The following TRIM2 variants were observed in gnomAD, a reference collection of about 807,000 sequenced individuals.
TRIM2 encodes tripartite motif containing 2, also known as tripartite motif-containing protein 2.
Under a neutral mutation model 75.2 loss-of-function variants are expected in TRIM2, and 20 were observed. The observed-to-expected ratio is 0.27, with a 90% CI of 0.19 to 0.39. The LOEUF (loss-of-function observed/expected upper bound fraction) is 0.39, where lower values mean the gene tolerates loss of function less well. TRIM2 is among the 10% of genes least tolerant of loss of function. The pLI, the probability that TRIM2 is intolerant of heterozygous loss-of-function variation, is 1.00. For synonymous variants in TRIM2, 373 were observed against 388.3 expected, an observed-to-expected ratio of 0.96 and a Z score of 0.46; for missense variants, 660 against 990.8, an observed-to-expected ratio of 0.67 and a Z score of 4.48.
At chr4:153,286,713 T>C (rs977844301) in intron 3 of TRIM2, among the ~76,000 whole-genome samples, 2 of 151,764 alleles carry the variant, frequency 1.3e-5, no homozygotes, top group African/African-American at 4.8e-5. Context: ...TGAGTCTTCT[T>C]TCTCTCTTCT....
In TRIM2 at chr4:153,328,600, C is replaced by T; in HGVS notation, c.2093C>T (p.Ala698Val). The change falls in exon 11 of 12, where the codon GCT (alanine) becomes GTT (valine). Residue 698 changes from alanine (A) to valine (V), a missense_variant. Transcript: ENST00000338700. ...GGAGAAGGAAATGGGCAGTTTAATG[C>T]TCCAACAGGTGTAGCAGTGGATTCA... ...SNGEGNGQFN[A>V]PTGVAVDSNG... 2 of 1,613,000 alleles carry T rather than the reference C, an allele frequency of 1.2e-6. No homozygotes were observed. The highest frequency in any genetic ancestry group is 1.7e-6 in the Non-Finnish European group (2 of 1,179,558).
At chr4:153,323,964 T>C in intron 9 of TRIM2, 114 bp from the exon 10 acceptor site, 1 of 815,940 alleles carries the variant, frequency 1.2e-6, no homozygotes, top group Non-Finnish European at 1.9e-6. Context: ...TCTATGATTC[T>C]TTGTACTTTC....
chr4:153,274,575 G>T (rs1386867566), intron 2 of TRIM2, among the ~76,000 whole-genome samples: 1 of 152,156 alleles, frequency 6.6e-6, no homozygotes, highest in Admixed American at 6.5e-5. Flanking sequence ...ATATAATTTT[G>T]GGAGCCTGAT....
chr4:153,203,849 G>A (rs1003682125), upstream of TRIM2, among the ~76,000 whole-genome samples: 14 of 152,166 alleles, frequency 9.2e-5, no homozygotes, highest in South Asian at 2.9e-3. Context: ...CCAAGATTGT[G>A]CCACTGCACT....
At chr4:153,303,655 T>G (rs1194932174) in intron 6 of TRIM2, among the ~76,000 whole-genome samples, 1 of 152,182 alleles carries the variant, frequency 6.6e-6, no homozygotes, top group African/African-American at 2.4e-5. Flanking sequence ...GCAATGGTGA[T>G]TCTGCTTTTC....
chr4:153,203,718 C>T (rs1734710514), upstream of TRIM2, among the ~76,000 whole-genome samples: 1 of 152,084 alleles, frequency 6.6e-6, no homozygotes, highest in South Asian at 2.1e-4. Flanking sequence ...ATGGCGAAAC[C>T]CCGTCTCTAC....
chr4:153,196,992 T>G (rs1018967928), intron 1 of TRIM2, among the ~76,000 whole-genome samples: 3 of 152,222 alleles, frequency 2.0e-5, no homozygotes, highest in African/African-American at 4.8e-5. Flanking sequence ...ATTGGTCATA[T>G]GCAGACCGAG....
At chr4:153,175,837 G>A (rs532475624) in intron 1 of TRIM2, among the ~76,000 whole-genome samples, 219 of 152,244 alleles carry the variant, frequency 1.4e-3, no homozygotes, top group Admixed American at 2.2e-3. Context: ...TCCTGAATTT[G>A]ATAACTGGTT....
upstream of TRIM2, among the ~76,000 whole-genome samples, chr4:153,203,126 A>AG (rs201607982): frequency 0.016 from 2,320 of 142,890 alleles, 57 homozygotes; most frequent in African/African-American, 0.05. Context: ...AAAAAAAAAA[A>AG]AGTGGAATTT....
chr4:153,337,783 T>G lies in TRIM2; in HGVS notation c.*2817T>G. 1 of 985,858 alleles carries G rather than the reference T, an allele frequency of 1.0e-6. No individual in the cohort carries two copies. The highest frequency in any genetic ancestry group is 1.2e-6 in the Non-Finnish European group (1 of 829,938). 61.1% of individuals were successfully genotyped at this position (985,858 alleles called of 1,614,324 possible). ...TCAAGTGTATAGAACCTGTCATACATTCATGATAAGTAGCACTGAAAAATT... is the reference window on the plus strand; with the variant it reads ...TCAAGTGTATAGAACCTGTCATACAGTCATGATAAGTAGCACTGAAAAATT... On this transcript the variant is annotated 3_prime_UTR_variant, in exon 12 of 12. Coordinates refer to ENST00000338700, the MANE Select transcript of TRIM2 (RefSeq NM_015271.5).
intron 1 of TRIM2, among the ~76,000 whole-genome samples, chr4:153,154,894 C>A (rs1019074546): frequency 1.3e-5 from 2 of 152,144 alleles, no homozygotes; most frequent in Non-Finnish European, 2.9e-5. Flanking sequence ...ATTCCCAGCA[C>A]TTTGGGAGGC....
chr4:153,194,552 G>A (rs1195950423), intron 1 of TRIM2, among the ~76,000 whole-genome samples: 2 of 152,090 alleles, frequency 1.3e-5, no homozygotes, highest in Admixed American at 6.6e-5. Flanking sequence ...GACAGAAAAC[G>A]GGTCAGTGGA....
At chr4:153,244,437 T>TCTTTCTTCTTCTTC (rs1206105496) in intron 1 of TRIM2, among the ~76,000 whole-genome samples, 1 of 102,522 alleles carries the variant, frequency 9.8e-6, no homozygotes, top group Non-Finnish European at 1.8e-5. Flanking sequence ...TTCTTCTTCT[T>TCTTTCTTCTTCTTC]TTAATTAGAG....
rs114444539 is a variant in TRIM2 at position 153,323,297 on chromosome 4, C to A, written c.1951+481C>A. 2.5e-3 allele frequency among the ~76,000 whole-genome samples: 379 copies of A among 152,278 alleles called. 1 individual carries two copies. The highest frequency in any genetic ancestry group is 8.6e-3 in the African/African-American group (356 of 41,550). On this transcript the variant is annotated intron_variant, in intron 9 of 11. Transcript: ENST00000338700. ...TCTTTGGTGTAGCACTTTGCAATCA[C>A]AAGCTTATTTAGGTTTTTGCATTTG...
intron 1 of TRIM2, among the ~76,000 whole-genome samples, chr4:153,188,418 C>T (rs978112879): frequency 3.3e-5 from 5 of 152,196 alleles, no homozygotes; most frequent in African/African-American, 9.6e-5. Context: ...TGAGACCATA[C>T]CACTGCACTT....
intron 1 of TRIM2, among the ~76,000 whole-genome samples, chr4:153,229,949 T>G (rs1395944097): frequency 2.0e-5 from 3 of 152,216 alleles, no homozygotes; most frequent in Admixed American, 6.5e-5. Flanking sequence ...TCTGCAGAGT[T>G]TAGTCTTCAA....
At position 153,318,961 on chromosome 4, in the gene TRIM2, G is replaced by A. The variant is rs114400560; in HGVS notation, c.1782+2962G>A. 5.5e-3 allele frequency among the ~76,000 whole-genome samples: 837 copies of A among 152,328 alleles called. 7 individuals carry two copies. The highest frequency in any genetic ancestry group is 0.031 in the Middle Eastern group (9 of 294). On this transcript the variant is annotated intron_variant, in intron 8 of 11. Coordinates refer to ENST00000338700, the MANE Select transcript of TRIM2 (RefSeq NM_015271.5). ...AATACCCTCTTCTATGATAGGTGTT[G>A]ATCAAAACCCAAAGGGTAAAAGGAT...
chr4:153,337,530 A>T lies in TRIM2; in HGVS notation c.*2564A>T. On this transcript the variant is annotated 3_prime_UTR_variant, in exon 12 of 12. Coordinates refer to ENST00000338700, the MANE Select transcript of TRIM2 (RefSeq NM_015271.5). ...TATTTTTTCCAAAAAATATGTGATT[A>T]TATATGTTAAAGTATAGATAACATT... 1.0e-6 allele frequency: 1 copy of T among 985,814 alleles called. No homozygotes were observed. Among genetic ancestry groups the T allele is most frequent in the Non-Finnish European group, 1.2e-6 (1 of 829,874 alleles). The allele number at this position is 985,814 out of a possible 1,614,324, so 61.1% of individuals were successfully genotyped here.
At position 153,338,014 on chromosome 4, in the gene TRIM2, T is replaced by C. The variant is rs1359450820; in HGVS notation, c.*3048T>C. ...CATTTTTTTTAATGGTACTTAGTAT[T>C]TTGATCAAACTTTAGTCTCCAGAAC... On this transcript the variant is annotated 3_prime_UTR_variant, in exon 12 of 12. Transcript: ENST00000338700. The C allele has an allele frequency of 2.0e-6, 2 of 985,742 alleles. No homozygotes were observed. The allele number at this position is 985,742 out of a possible 1,614,324, so 61.1% of individuals were successfully genotyped here.
Sources: allele counts gnomAD v4.1 joint callset (sites outside exome capture counted in the v4.1 genomes callset), GRCh38; gene constraint gnomAD v4.1.1; transcripts MANE v1.5; gene names NCBI Gene and HGNC (gene_info 2026-07-23, HGNC 2026-07-21).